KSR2: variants seen among roughly 807,000 people sequenced by gnomAD.
KSR2 encodes the protein kinase suppressor of ras 2.
KSR2 carries 25 observed loss-of-function variants against 107.8 expected under a neutral mutation model. That is an observed-to-expected ratio of 0.23 (90% CI 0.17 to 0.32). KSR2 has a LOEUF of 0.32. KSR2 is among the 10% of genes least tolerant of loss of function. The pLI, the probability that KSR2 is intolerant of heterozygous loss-of-function variation, is 1.00. For synonymous variants in KSR2, 480 were observed against 507.0 expected (o/e 0.95, Z 0.71); for missense variants, 887 against 1,268.9 (o/e 0.70, Z 4.57).
intron 14 of KSR2, among the ~76,000 whole-genome samples, chr12:117,491,797 T>C (rs1269163006): frequency 1.3e-5 from 2 of 152,196 alleles, no homozygotes; most frequent in Non-Finnish European, 2.9e-5. Flanking sequence ...CACCTGGATC[T>C]GGAGGCTATG....
At chr12:117,829,295 A>T (rs1475603931) in intron 3 of KSR2, among the ~76,000 whole-genome samples, 1 of 152,152 alleles carries the variant, frequency 6.6e-6, no homozygotes, top group East Asian at 1.9e-4. Flanking sequence ...CCAATTGGTA[A>T]CTTTCTGGTT....
chr12:117,825,776 C>T (rs1421003477), intron 3 of KSR2, among the ~76,000 whole-genome samples: 1 of 151,928 alleles, frequency 6.6e-6, no homozygotes, highest in Non-Finnish European at 1.5e-5. Flanking sequence ...ATAGAAGGGG[C>T]TCAGTGTCTA....
intron 17 of KSR2, among the ~76,000 whole-genome samples, 159 bp from the exon 18 acceptor site, chr12:117,471,479 C>T (rs1174418679): frequency 2.0e-5 from 3 of 152,092 alleles, no homozygotes; most frequent in Admixed American, 6.5e-5. Flanking sequence ...TGCGACATAC[C>T]TAAAGCTTTC....
chr12:117,784,955 C>G (rs1487498241), intron 3 of KSR2, among the ~76,000 whole-genome samples: 2 of 152,164 alleles, frequency 1.3e-5, no homozygotes, highest in African/African-American at 2.4e-5. Context: ...CTGACTCTAA[C>G]CAGACTACTG....
chr12:117,537,177 C>T (rs564021418), intron 10 of KSR2, among the ~76,000 whole-genome samples: 2 of 152,298 alleles, frequency 1.3e-5, no homozygotes, highest in East Asian at 3.9e-4. Context: ...CGCACCACTG[C>T]ACTCCAGCCT....
intron 1 of KSR2, among the ~76,000 whole-genome samples, chr12:117,941,007 C>T (rs1341384004): frequency 6.6e-6 from 1 of 152,050 alleles, no homozygotes; most frequent in Non-Finnish European, 1.5e-5. Flanking sequence ...ATCGCTAGAA[C>T]CCAGGAGGCA....
chr12:117,862,374 A>G (rs1389749890), intron 1 of KSR2, among the ~76,000 whole-genome samples: 1 of 152,160 alleles, frequency 6.6e-6, no homozygotes, highest in Non-Finnish European at 1.5e-5. Flanking sequence ...TAGGATCAAA[A>G]AATTCGGAGG....
intron 3 of KSR2, among the ~76,000 whole-genome samples, chr12:117,793,276 G>T (rs111205083): frequency 4.0e-5 from 2 of 49,988 alleles, no homozygotes; most frequent in Non-Finnish European, 6.8e-5. Context: ...ATGCACACAC[G>T]CCAACATGCA....
chr12:117,767,257 CAAA>C (rs1203613217), intron 3 of KSR2, among the ~76,000 whole-genome samples: 51 of 119,972 alleles, frequency 4.3e-4, no homozygotes, highest in Admixed American at 1.2e-3. Flanking sequence ...ACTAAAAATC[CAAA>C]AAAAAAAAAA....
At chr12:117,845,082 C>T (rs772763281) in intron 3 of KSR2, among the ~76,000 whole-genome samples, 2 of 152,094 alleles carry the variant, frequency 1.3e-5, no homozygotes, top group Admixed American at 6.5e-5. Flanking sequence ...GGAGGCGGAG[C>T]GTGCATTGAG....
intron 4 of KSR2, among the ~76,000 whole-genome samples, chr12:117,729,794 G>A (rs1887586025): frequency 6.6e-6 from 1 of 152,126 alleles, no homozygotes; most frequent in Admixed American, 6.6e-5. Flanking sequence ...AGATGAATAG[G>A]ACAGGTCCTA....
chr12:117,851,565 G>C lies in KSR2; in HGVS notation c.472+3863C>G, dbSNP rs144166102. ...ATCACACCACTGTACTCCAACCTGG[G>C]TGACAAAGCAAGACCCTGTCTCAAA... On this transcript the variant is annotated intron_variant, in intron 3 of 19. Coordinates refer to ENST00000339824, the MANE Select transcript of KSR2 (RefSeq NM_173598.6). 1.6e-3 allele frequency among the ~76,000 whole-genome samples: 237 copies of C among 152,156 alleles called. 2 individuals carry two copies. Among genetic ancestry groups the C allele is most frequent in the African/African-American group, 5.3e-3 (219 of 41,526 alleles).
chr12:117,783,860 T>C (rs1034795822), intron 3 of KSR2, among the ~76,000 whole-genome samples: 10 of 152,100 alleles, frequency 6.6e-5, no homozygotes, highest in African/African-American at 2.4e-4. Context: ...GTGTCTTTTT[T>C]CTATCCCAGC....
intron 12 of KSR2, among the ~76,000 whole-genome samples, chr12:117,529,072 A>G (rs551883805): frequency 6.6e-6 from 1 of 152,336 alleles, no homozygotes; most frequent in South Asian, 2.1e-4. Context: ...AACAAAGTCC[A>G]TAAGACCAGT....
At chr12:117,870,718 C>G (rs927806414) in intron 1 of KSR2, among the ~76,000 whole-genome samples, 1 of 152,146 alleles carries the variant, frequency 6.6e-6, no homozygotes, top group African/African-American at 2.4e-5. Context: ...CACCAAGAGA[C>G]TGAGATCCTG....
chr12:117,766,038 G>T (rs1208656529), intron 3 of KSR2, among the ~76,000 whole-genome samples: 3 of 152,176 alleles, frequency 2.0e-5, no homozygotes, highest in Admixed American at 6.5e-5. Context: ...AACTCTCACT[G>T]CAGTTCCATC....
At chr12:117,583,133 T>C (rs1879768985) in intron 5 of KSR2, among the ~76,000 whole-genome samples, 1 of 151,280 alleles carries the variant, frequency 6.6e-6, no homozygotes, top group East Asian at 1.9e-4. Flanking sequence ...GCAGGATGGA[T>C]AGGATGGATG....
At chr12:117,914,974 T>C (rs565471620) in intron 1 of KSR2, among the ~76,000 whole-genome samples, 1 of 152,264 alleles carries the variant, frequency 6.6e-6, no homozygotes, top group Admixed American at 6.5e-5. Flanking sequence ...CACACTTAGG[T>C]ACTTAAGATC....
chr12:117,928,181 C>T (rs1042533377), intron 1 of KSR2, among the ~76,000 whole-genome samples: 62 of 47,902 alleles, frequency 1.3e-3, no homozygotes, highest in Middle Eastern at 0.015. Flanking sequence ...TTCCTTCTTT[C>T]CTTTTTTTTT....
Sources: allele counts gnomAD v4.1 joint callset (sites outside exome capture counted in the v4.1 genomes callset), GRCh38; gene constraint gnomAD v4.1.1; transcripts MANE v1.5; gene names NCBI Gene and HGNC (gene_info 2026-07-23, HGNC 2026-07-21).